Variants in MYH13 observed in about 807,000 individuals in gnomAD.
MYH13 encodes myosin-13.
MYH13 carries 177 observed loss-of-function variants against 232.1 expected under a neutral mutation model. That is an observed-to-expected ratio of 0.76 (90% CI 0.67 to 0.86). The LOEUF is 0.86. Ranked by LOEUF, MYH13 falls within the 40% of genes least tolerant of loss-of-function variation. The probability of loss-of-function intolerance (pLI) is 0.00; values close to 1 mark genes in which losing one functional copy is unlikely to be tolerated. For missense variants in MYH13, 2,246 were observed against 2,405.9 expected (o/e 0.93, Z 1.39); for synonymous variants, 884 against 923.5 (o/e 0.96, Z 0.78).
chr17:10,322,440 T>C, intron 23 of MYH13, among the ~76,000 whole-genome samples: 1 of 151,374 alleles, frequency 6.6e-6, no homozygotes, highest in Admixed American at 6.6e-5. Flanking sequence ...AGAACGGGAG[T>C]GCTGTGTTAT....
At chr17:10,349,254 C>T (rs1156527192) in intron 12 of MYH13, among the ~76,000 whole-genome samples, 1 of 152,074 alleles carries the variant, frequency 6.6e-6, no homozygotes, top group Non-Finnish European at 1.5e-5. Context: ...AGGCAGGCAC[C>T]ATTATGCCCA....
At chr17:10,334,416 A>C (rs1010754567) in intron 18 of MYH13, among the ~76,000 whole-genome samples, 19 of 152,212 alleles carry the variant, frequency 1.2e-4, no homozygotes, top group Non-Finnish European at 2.8e-4. Flanking sequence ...TTAAAATTAA[A>C]AATTAATTAA....
intron 33 of MYH13, 132 bp from the exon 34 acceptor site, chr17:10,309,962 G>C: frequency 1.7e-6 from 1 of 583,822 alleles, no homozygotes. Flanking sequence ...TTTTTTTTTT[G>C]GTAGAGACAG....
rs373375015 is a variant in MYH13, at chr17:10,319,067, A to T, written c.3461T>A (p.Leu1154Gln). Residue 1154 changes from leucine (L) to glutamine (Q), a missense_variant, in exon 27 of 41, where the codon CTG becomes CAG. By Grantham distance (113) the Leu-to-Gln change is moderately radical (BLOSUM62 -2). Transcript: ENST00000252172. ...ARELEEISER[L>Q]EEASGATSAQ... The stretch of plus-strand genomic sequence containing the variant: ...TGAAGTGGCCCCACTGGCTTCTTCC[A>T]GCCTCTCGCTGATCTCCTCCAGTTC... 2 of 1,614,012 alleles carry T rather than the reference A, an allele frequency of 1.2e-6. No individual in the cohort carries two copies.
At chr17:10,350,443 T>A in intron 12 of MYH13, 113 bp downstream of exon 12, 1 of 1,452,592 alleles carries the variant, frequency 6.9e-7, no homozygotes, top group Non-Finnish European at 9.3e-7. Flanking sequence ...CAGATTTGAT[T>A]TATGCAGTTT....
At position 10,330,413 on chromosome 17, in the gene MYH13, C is replaced by T. The variant is rs1907369751; in HGVS notation, c.2409G>A (p.Val803=). 1 of 1,613,644 alleles carries T rather than the reference C, an allele frequency of 6.2e-7. No individual in the cohort carries two copies. The highest frequency in any genetic ancestry group is 1.1e-5 in the South Asian group (1 of 90,994). The part of the protein sequence containing the change: ...QAVCRGYLMR[V]EFKKMMERRD... ...TCCTCTCCATCATCTTCTTGAACTC[C>T]ACCCGCATCAGGTACCCCCTGCACA... Residue 803 remains valine, a synonymous_variant, in exon 21 of 41, where the codon GTG becomes GTA. Coordinates refer to ENST00000252172, the MANE Select transcript of MYH13 (RefSeq NM_003802.3).
chr17:10,360,222 T>TAAACAAC, intron 5 of MYH13, 34 bp from the exon 6 acceptor site: 1 of 1,604,550 alleles, frequency 6.2e-7, no homozygotes. Context: ...ACAAAACAAA[T>TAAACAAC]AAACAACAAA....
chr17:10,320,078 A>G (rs1906876417), intron 26 of MYH13, 75 bp downstream of exon 26: 1 of 1,119,266 alleles, frequency 8.9e-7, no homozygotes, highest in Non-Finnish European at 1.3e-6. Flanking sequence ...CAGCTAAAGA[A>G]ACAAGGGGGA....
At position 10,306,898 on chromosome 17, in the gene MYH13, A is replaced by G. The variant is rs1477536874; in HGVS notation, c.5295+41T>C. 1 of 1,609,692 alleles carries G rather than the reference A, an allele frequency of 6.2e-7. No homozygotes were observed. The highest frequency in any genetic ancestry group is 2.2e-5 in the East Asian group (1 of 44,888). ...CCTGGCTCAGAGGCCCCACTTTCTC[A>G]GTTCCAAACCCCATCTCTGAAAAGG... On this transcript the variant is annotated intron_variant, in intron 36 of 40. Coordinates refer to ENST00000252172, the MANE Select transcript of MYH13 (RefSeq NM_003802.3). This position sits in a 1 kb window ranked among gnomAD's most constrained non-coding sequence, Gnocchi z 4.3.
At chr17:10,325,443 T>C (rs1182712144) in intron 22 of MYH13, among the ~76,000 whole-genome samples, 2 of 152,160 alleles carry the variant, frequency 1.3e-5, no homozygotes, top group Admixed American at 6.5e-5. Flanking sequence ...CTTCTAAAAG[T>C]GTTGGGATTA....
chr17:10,338,901 C>G (rs1026123570), intron 18 of MYH13, among the ~76,000 whole-genome samples: 8 of 152,200 alleles, frequency 5.3e-5, no homozygotes, highest in Middle Eastern at 3.4e-3. Context: ...CGGGGTTTCA[C>G]CATGTTAGCC....
At chr17:10,323,604 A>G (rs1396976804) in intron 23 of MYH13, among the ~76,000 whole-genome samples, 1 of 151,612 alleles carries the variant, frequency 6.6e-6, no homozygotes, top group Non-Finnish European at 1.5e-5. Flanking sequence ...CTAAAAATAC[A>G]AAAAATTAGC....
In MYH13 at chr17:10,303,386, A is replaced by G; in HGVS notation, c.5571+8T>C. 6.2e-7 allele frequency: 1 copy of G among 1,613,582 alleles called. No homozygotes were observed. The highest frequency in any genetic ancestry group is 2.2e-5 in the East Asian group (1 of 44,876). ...AGCATTCACTGAGGAGGTTTTTGGG[A>G]CCCCTACCTGGTAAGTCATCTCCTT... On this transcript the variant is annotated splice_region_variant and intron_variant, in intron 38 of 40. Transcript: ENST00000252172.
intron 15 of MYH13, 30 bp downstream of exon 15, chr17:10,345,172 G>A (rs375717378): frequency 4.3e-6 from 7 of 1,613,880 alleles, no homozygotes; most frequent in Non-Finnish European, 5.9e-6. Flanking sequence ...CAATAAGGAG[G>A]AGCTGTCCCA....
At position 10,362,360 on chromosome 17, in the gene MYH13, G is replaced by A. The variant is rs767555564; in HGVS notation, c.348C>T (p.Tyr116=). ...LKERYAAWMI[Y]TYSGLFCVTV... The stretch of plus-strand genomic sequence containing the variant: ...TAAAAAGGTGTTTACAGACACTCAC[G>A]TAGATCATCCAGGCTGCATAGCGCT... The change falls in exon 4 of 41, where the codon TAC becomes TAT. Residue 116 remains tyrosine, a splice_region_variant and synonymous_variant. Coordinates refer to ENST00000252172, the MANE Select transcript of MYH13 (RefSeq NM_003802.3). 29 of 1,614,044 alleles carry A rather than the reference G, an allele frequency of 1.8e-5. No individual in the cohort carries two copies. The highest frequency in any genetic ancestry group is 1.2e-4 in the South Asian group (11 of 91,074).
In MYH13 at chr17:10,313,831, G is replaced by C. The variant is rs148875087; in HGVS notation, c.3985-477C>G. Among the ~76,000 whole-genome samples, 36 of 152,318 alleles carry C rather than the reference G, an allele frequency of 2.4e-4. No homozygotes were observed. The East Asian group carries it at 5.6e-3, about 24-fold the overall frequency. Reference sequence around the variant, plus strand: ...AATTTTCTCACTACTTGATGCAATGGTATGGAATGCTGTGACCAGGAGAAG... The same window carrying C: ...AATTTTCTCACTACTTGATGCAATGCTATGGAATGCTGTGACCAGGAGAAG... On this transcript the variant is annotated intron_variant, in intron 29 of 40. Coordinates refer to ENST00000252172, the MANE Select transcript of MYH13 (RefSeq NM_003802.3).
intron 18 of MYH13, among the ~76,000 whole-genome samples, chr17:10,334,231 G>T (rs62058075): frequency 1.3e-5 from 2 of 151,910 alleles, no homozygotes; most frequent in African/African-American, 2.4e-5. Flanking sequence ...GGGAGTGGTG[G>T]GGCCAAGGCT....
chr17:10,312,447 G>T, intron 31 of MYH13, 127 bp downstream of exon 31: 2 of 1,140,728 alleles, frequency 1.8e-6, no homozygotes, highest in South Asian at 1.6e-5. Context: ...TGAAACTGTT[G>T]TTTTCACCAC....
intron 18 of MYH13, among the ~76,000 whole-genome samples, 177 bp from the exon 19 acceptor site, chr17:10,333,368 C>T (rs538224028): frequency 1.3e-5 from 2 of 152,304 alleles, no homozygotes; most frequent in Admixed American, 1.3e-4. Context: ...CCTGCAGGTC[C>T]CGCAGTGAAA....
Sources: allele counts gnomAD v4.1 joint callset (sites outside exome capture counted in the v4.1 genomes callset), GRCh38; gene constraint gnomAD v4.1.1; non-coding constraint Gnocchi (gnomAD v3.1); transcripts MANE v1.5; gene names NCBI Gene and HGNC (gene_info 2026-07-23, HGNC 2026-07-21).